The following PCDH11X variants were observed in gnomAD, a reference collection of about 807,000 sequenced individuals.
The protein encoded by PCDH11X is protocadherin 11 X-linked, also known as protocadherin-11 X-linked.
A neutral mutation model predicts 53.3 loss-of-function variants in PCDH11X; 18 were observed. That is an observed-to-expected ratio of 0.34 (90% CI 0.23 to 0.50). The LOEUF is 0.50. Ranked by LOEUF, PCDH11X falls within the 20% of genes least tolerant of loss-of-function variation. The probability of loss-of-function intolerance (pLI) is 0.98; values close to 1 mark genes in which losing one functional copy is unlikely to be tolerated. For missense variants in PCDH11X, 570 were observed against 1,032.4 expected (o/e 0.55, Z 6.14); for synonymous variants, 279 against 393.3 (o/e 0.71, Z 3.44).
chrX:92,587,996 C>T (rs978244428), intron 10 of PCDH11X, among the ~76,000 whole-genome samples: 6 of 106,209 alleles, frequency 5.6e-5, no homozygotes, highest in Non-Finnish European at 1.2e-4. Flanking sequence ...TAATATATTT[C>T]TCTAGGAAGA....
intron 6 of PCDH11X, among the ~76,000 whole-genome samples, chrX:91,911,130 C>A (rs1239326336): frequency 9.0e-6 from 1 of 110,659 alleles, no homozygotes; most frequent in Non-Finnish European, 1.9e-5. Context: ...ATTAAAATTA[C>A]AAAATGCCAA....
chrX:92,148,133 T>TCTTTTTCC, intron 6 of PCDH11X, among the ~76,000 whole-genome samples: 1 of 5,202 alleles, frequency 1.9e-4, no homozygotes, highest in Non-Finnish European at 2.8e-4. Flanking sequence ...TTTCTTTCTT[T>TCTTTTTCC]TTCCTTCCTT....
intron 10 of PCDH11X, among the ~76,000 whole-genome samples, chrX:92,560,430 A>T (rs1353578102): frequency 9.0e-6 from 1 of 111,456 alleles, no homozygotes; most frequent in Non-Finnish European, 1.9e-5. Context: ...CAAAAGGAAA[A>T]GTTAAAGAAA....
intron 10 of PCDH11X, among the ~76,000 whole-genome samples, chrX:92,471,406 T>G (rs1482981106): frequency 7.8e-5 from 8 of 102,576 alleles, no homozygotes; most frequent in Admixed American, 1.1e-4. Flanking sequence ...ATAATGGCCT[T>G]AGGCTCAATT....
intron 6 of PCDH11X, among the ~76,000 whole-genome samples, chrX:92,067,579 G>A (rs755440742): frequency 9.0e-6 from 1 of 110,615 alleles, no homozygotes; most frequent in South Asian, 3.8e-4. Flanking sequence ...TAAGATTTTT[G>A]CATCAATATT....
At position 92,387,586 on chromosome X, in the gene PCDH11X, T is replaced by A. The variant is rs1484368425; in HGVS notation, c.3145-149T>A. ...AGAAGGTTTGAACACAGAATTGTGT[T>A]ATTCACAAAAGCCTGAAATTGTTCA... On this transcript the variant is annotated intron_variant, in intron 8 of 10. Transcript: ENST00000682573. The A allele has an allele frequency of 5.5e-5, 56 of 1,017,256 alleles. No homozygotes were observed. In the African/African-American group the frequency reaches 1.0e-3, roughly 18 times the overall value. The allele number at this position is 1,017,256 out of a possible 1,213,427, so 83.8% of individuals were successfully genotyped here.
intron 10 of PCDH11X, among the ~76,000 whole-genome samples, chrX:92,478,724 A>T (rs1463243029): frequency 9.1e-6 from 1 of 110,124 alleles, no homozygotes; most frequent in Non-Finnish European, 1.9e-5. Flanking sequence ...TTGATAGTGC[A>T]ATGATCTGAG....
chrX:92,428,832 G>C (rs1293249945), intron 9 of PCDH11X, among the ~76,000 whole-genome samples: 2 of 110,749 alleles, frequency 1.8e-5, no homozygotes, highest in Admixed American at 9.7e-5. Flanking sequence ...GAGCTTTTGT[G>C]ACAAATATGG....
At chrX:92,244,303 AG>A (rs2067310243) in intron 7 of PCDH11X, among the ~76,000 whole-genome samples, 2 of 107,599 alleles carry the variant, frequency 1.9e-5, no homozygotes. Flanking sequence ...TCTATGCTTT[AG>A]GCAAACTAGA....
In PCDH11X at chrX:91,878,902, A is replaced by G. The variant is rs778626663; in HGVS notation, c.2662A>G (p.Ile888Val). Residue 888 changes from isoleucine (I) to valine (V), a missense_variant, in exon 6 of 11, where the codon ATT becomes GTT. Around this residue, in one of 6 missense-constraint regions of PCDH11X, gnomAD observed 226 missense variants for 457.5 expected, o/e 0.49. Coordinates refer to ENST00000682573, the MANE Select transcript of PCDH11X (RefSeq NM_032968.5). ...PKNLLLNFVT[I>V]EETKADDVDS... The stretch of plus-strand genomic sequence containing the variant: ...GAACTTGCTGCTTAATTTTGTCACT[A>G]TTGAAGAAACTAAGGCAGATGATGT... 2 of 1,211,867 alleles carry G rather than the reference A, an allele frequency of 1.7e-6. No homozygotes were observed. Among genetic ancestry groups the G allele is most frequent in the South Asian group, 1.8e-5 (1 of 56,990 alleles).
chrX:91,780,666 CT>C (rs34815089), intron 1 of PCDH11X, among the ~76,000 whole-genome samples: 27 of 112,336 alleles, frequency 2.4e-4, no homozygotes, highest in Non-Finnish European at 3.9e-4. Context: ...TAAAACGGCT[CT>C]TTTTTTTCGA....
At chrX:91,884,786 C>T (rs1940123195) in intron 6 of PCDH11X, among the ~76,000 whole-genome samples, 1 of 110,208 alleles carries the variant, frequency 9.1e-6, no homozygotes, top group Admixed American at 9.7e-5. Flanking sequence ...ATAATGATTA[C>T]ATAGCATATG....
chrX:91,802,241 T>C (rs1935960745), intron 1 of PCDH11X, among the ~76,000 whole-genome samples: 1 of 112,905 alleles, frequency 8.9e-6, no homozygotes, highest in South Asian at 3.6e-4. Context: ...AAGGATTCTC[T>C]CTCAGCTCAT....
chrX:92,256,736 C>T (rs754719201), intron 7 of PCDH11X, among the ~76,000 whole-genome samples: 16 of 110,185 alleles, frequency 1.5e-4, no homozygotes, highest in Admixed American at 3.9e-4. Context: ...TTGACAGACC[C>T]CCATATGTGT....
At chrX:92,392,150 G>A (rs2071142726) in intron 9 of PCDH11X, among the ~76,000 whole-genome samples, 1 of 110,765 alleles carries the variant, frequency 9.0e-6, no homozygotes, top group Admixed American at 9.7e-5. Context: ...ATACTTGAGT[G>A]AAATTTCTTC....
At chrX:92,188,570 G>A (rs2066139366) in intron 6 of PCDH11X, among the ~76,000 whole-genome samples, 1 of 111,624 alleles carries the variant, frequency 9.0e-6, no homozygotes, top group African/African-American at 3.3e-5. Context: ...TTGAAAGAAA[G>A]TAGAGCATAT....
rs942485890 is a variant in PCDH11X, at chrX:92,602,950, GATA to G, written c.3368-15309_3368-15307del. On this transcript the variant is annotated intron_variant, in intron 10 of 10. Coordinates refer to ENST00000682573, the MANE Select transcript of PCDH11X (RefSeq NM_032968.5). ...GAGGGCTCTGTTGTCAGATTTAACA[GATA>G]ATAACTACAAAGAAGCCATTATAAT... Among the ~76,000 whole-genome samples, 17 of 88,900 alleles carry G rather than the reference GATA, an allele frequency of 1.9e-4. No homozygotes were observed. The Admixed American group carries it at 2.0e-3, about 11-fold the overall frequency. The allele number at this position is 88,900 out of a possible 115,157, so 77.2% of individuals were successfully genotyped here.
At chrX:92,234,493 A>G (rs773935030) in intron 7 of PCDH11X, among the ~76,000 whole-genome samples, 1 of 112,186 alleles carries the variant, frequency 8.9e-6, no homozygotes, top group South Asian at 3.7e-4. Context: ...TAGTTTTGTC[A>G]TGCATTCTGG....
intron 7 of PCDH11X, among the ~76,000 whole-genome samples, chrX:92,204,834 C>A (rs1453667684): frequency 8.9e-6 from 1 of 111,935 alleles, no homozygotes; most frequent in Non-Finnish European, 1.9e-5. Context: ...GGAAGGGGGC[C>A]TCAGGAAACT....
Sources: gnomAD v4.1 joint callset for allele counts (sites outside exome capture counted in the v4.1 genomes callset) on GRCh38, gnomAD v4.1.1 for gene constraint, gnomAD v4.1.1 regional missense constraint, MANE v1.5 for transcripts, NCBI Gene and HGNC (gene_info 2026-07-23, HGNC 2026-07-21) for gene names.